FBH1: variants seen among roughly 807,000 people sequenced by gnomAD.
FBH1 encodes F-box DNA helicase 1, also known as DNA 3'-5' helicase 1.
A neutral mutation model predicts 115.5 loss-of-function variants in FBH1; 43 were observed. The observed-to-expected ratio is 0.37, with a 90% CI of 0.29 to 0.48. The LOEUF (loss-of-function observed/expected upper bound fraction) is 0.48. Ranked by LOEUF, FBH1 falls within the 20% of genes least tolerant of loss-of-function variation. The probability of loss-of-function intolerance (pLI) is 0.99; values close to 1 mark genes in which losing one functional copy is unlikely to be tolerated. For missense variants in FBH1, 1,001 were observed against 1,337.3 expected (o/e 0.75, Z 3.92); for synonymous variants, 524 against 507.8 (o/e 1.03, Z -0.43).
chr10:5,923,762 C>G lies in FBH1; in HGVS notation c.2398+66C>G. 2 of 1,436,300 alleles carry G rather than the reference C, an allele frequency of 1.4e-6. No individual in the cohort carries two copies. The allele number at this position is 1,436,300 out of a possible 1,614,324, so 89.0% of individuals were successfully genotyped here. A position where few individuals can be genotyped will look rare whatever the true frequency, so the allele number is the denominator to read the frequency against. On this transcript the variant is annotated intron_variant, in intron 16 of 20. Coordinates refer to ENST00000362091, the MANE Select transcript of FBH1 (RefSeq NM_178150.3). The surrounding 1 kb of genome is among the most constrained non-coding windows in gnomAD (Gnocchi z 5.7). The stretch of plus-strand genomic sequence containing the variant: ...CCAAGTGACAGGGACGAGAAAGAAG[C>G]AGGCCCAGTCTGAGTCAGGGACCCG...
At position 5,910,894 on chromosome 10, in the gene FBH1, T is replaced by C; in HGVS notation, c.1021-44T>C. On this transcript the variant is annotated intron_variant, in intron 5 of 20. Transcript: ENST00000362091. This position sits in a 1 kb window ranked among gnomAD's most constrained non-coding sequence, Gnocchi z 4.8. ...TTCCTGCTGTGATTCGTATTAACCATGGCCTGTGGGCTGTCCCTCCCTCCC... is the reference window on the plus strand; with the variant it reads ...TTCCTGCTGTGATTCGTATTAACCACGGCCTGTGGGCTGTCCCTCCCTCCC... 6.4e-7 allele frequency: 1 copy of C among 1,552,204 alleles called. No homozygotes were observed.
chr10:5,898,309 T>C (rs78010702), intron 1 of FBH1, among the ~76,000 whole-genome samples: 2,968 of 152,314 alleles, frequency 0.019, 85 homozygotes, highest in African/African-American at 0.068. Flanking sequence ...TGTCCTCACA[T>C]GGTGGCAGGA....
chr10:5,937,046 T>C, intron 20 of FBH1, 64 bp from the exon 21 acceptor site: 1 of 1,504,626 alleles, frequency 6.6e-7, no homozygotes. Flanking sequence ...CTCCATGCTT[T>C]TTGCTGGAAA....
rs753016172 is a variant in FBH1 at position 5,906,409 on chromosome 10, C to T, written c.530C>T (p.Ser177Phe). 1 of 1,614,170 alleles carries T rather than the reference C, an allele frequency of 6.2e-7. No homozygotes were observed. The highest frequency in any genetic ancestry group is 1.1e-5 in the South Asian group (1 of 91,090). Residue 177 changes from serine (S) to phenylalanine (F), a missense_variant, in exon 3 of 21, where the codon TCT (serine) becomes TTT (phenylalanine). By Grantham distance (155) the Ser-to-Phe change is radical. Around this residue, in one of 4 missense-constraint regions of FBH1, gnomAD observed 420 missense variants for 430.4 expected, o/e 0.98. Transcript: ENST00000362091. This position sits in a 1 kb window ranked among gnomAD's most constrained non-coding sequence, Gnocchi z 7.3. ...AGTACGTCTCGGCTCTCTGCGGAGT[C>T]TGGTGAAACCGACCAAGATGCTGGG... is the stretch of plus-strand genomic sequence containing the variant. Reference protein sequence around the residue: ...EDSTSRLSAESGETDQDAGDV... With the variant: ...EDSTSRLSAEFGETDQDAGDV...
intron 1 of FBH1, among the ~76,000 whole-genome samples, chr10:5,890,660 G>C (rs1274486134): frequency 6.6e-6 from 1 of 152,112 alleles, no homozygotes; most frequent in East Asian, 1.9e-4. Flanking sequence ...GGGCAAGCGC[G>C]GGGACGTGGC....
At chr10:5,894,250 T>A in intron 1 of FBH1, 1 of 1,398,972 alleles carries the variant, frequency 7.1e-7, no homozygotes, top group Non-Finnish European at 9.3e-7. Context: ...AGTTTTTCCA[T>A]TTCGGGTCTA....
In FBH1 at chr10:5,915,801, T is replaced by G. The variant is rs1831891417; in HGVS notation, c.1565+230T>G. ...CGTCTTGCCAAGAGGGGTGTTCTCA[T>G]GGAAGTGAGGCACAGAAAGTCAAAA... is the stretch of plus-strand genomic sequence containing the variant. On this transcript the variant is annotated intron_variant, in intron 9 of 20. Coordinates refer to ENST00000362091, the MANE Select transcript of FBH1 (RefSeq NM_178150.3). This position sits in a 1 kb window ranked among gnomAD's most constrained non-coding sequence, Gnocchi z 5.2. 5 of 545,278 alleles carry G rather than the reference T, an allele frequency of 9.2e-6. No homozygotes were observed. The South Asian group carries it at 1.1e-4, about 12-fold the overall frequency. 33.8% of individuals were successfully genotyped at this position (545,278 alleles called of 1,614,324 possible). A position where few individuals can be genotyped will look rare whatever the true frequency, so the allele number is the denominator to read the frequency against.
At chr10:5,894,738 T>C (rs1842911647) in intron 1 of FBH1, among the ~76,000 whole-genome samples, 1 of 152,228 alleles carries the variant, frequency 6.6e-6, no homozygotes, top group African/African-American at 2.4e-5. Context: ...GTGTGTTACA[T>C]GCTGGGTGTG....
rs1365058107 is a variant in FBH1, at chr10:5,906,696, C to T, written c.753+64C>T. ...AGCACGTAACTTTGCTTAATGCACG[C>T]TTATAATCAGAGGATCTTTTCAGAA... On this transcript the variant is annotated intron_variant, in intron 3 of 20. Transcript: ENST00000362091. This position sits in a 1 kb window ranked among gnomAD's most constrained non-coding sequence, Gnocchi z 7.3. The T allele has an allele frequency of 3.9e-6, 5 of 1,285,946 alleles. No individual in the cohort carries two copies. In the Admixed American group the frequency reaches 1.0e-4, roughly 26 times the overall value. 79.7% of individuals were successfully genotyped at this position (1,285,946 alleles called of 1,614,324 possible). A position where few individuals can be genotyped will look rare whatever the true frequency, so the allele number is the denominator to read the frequency against.
Position 5,913,007 on chromosome 10 carries a change from G to C in FBH1, c.1212-740G>C, listed in dbSNP as rs1346718242. Among the ~76,000 whole-genome samples, 1 of 152,146 alleles carries C rather than the reference G, an allele frequency of 6.6e-6. No individual in the cohort carries two copies. The highest frequency in any genetic ancestry group is 1.5e-5 in the Non-Finnish European group (1 of 68,020). Reference sequence around the variant, plus strand: ...GGAGATGGGCTCTTTTCGCTCTGGGGATGGGGGGCAGTGCACTCGATTGTT... The same window carrying C: ...GGAGATGGGCTCTTTTCGCTCTGGGCATGGGGGGCAGTGCACTCGATTGTT... On this transcript the variant is annotated intron_variant, in intron 6 of 20. Coordinates refer to ENST00000362091, the MANE Select transcript of FBH1 (RefSeq NM_178150.3). This position sits in a 1 kb window ranked among gnomAD's most constrained non-coding sequence, Gnocchi z 4.4.
At position 5,909,103 on chromosome 10, in the gene FBH1, G is replaced by T. The variant is rs1397728217; in HGVS notation, c.884+48G>T. ...AGAAGGCGTCTTTGAAGTCTTCCTT[G>T]TACATCAGTGCTTATGGTCACCCTA... is the stretch of plus-strand genomic sequence containing the variant. On this transcript the variant is annotated intron_variant, in intron 4 of 20. Coordinates refer to ENST00000362091, the MANE Select transcript of FBH1 (RefSeq NM_178150.3). This position sits in a 1 kb window ranked among gnomAD's most constrained non-coding sequence, Gnocchi z 4.4. The T allele has an allele frequency of 6.2e-7, 1 of 1,613,622 alleles. No homozygotes were observed. The highest frequency in any genetic ancestry group is 1.1e-5 in the South Asian group (1 of 91,076).
rs1831388594 is a variant in FBH1, at chr10:5,909,016, T to A, written c.845T>A (p.Ile282Lys). 6.2e-7 allele frequency: 1 copy of A among 1,614,094 alleles called. No homozygotes were observed. Among genetic ancestry groups the A allele is most frequent in the Non-Finnish European group, 8.5e-7 (1 of 1,180,040 alleles). The change falls in exon 4 of 21, where the codon ATA becomes AAA. Residue 282 changes from isoleucine to lysine, a missense_variant. Physicochemically the swap from Ile to Lys is moderately radical, Grantham distance 102 (BLOSUM62 -3). Around this residue, in one of 4 missense-constraint regions of FBH1, gnomAD observed 420 missense variants for 430.4 expected, o/e 0.98. Coordinates refer to ENST00000362091, the MANE Select transcript of FBH1 (RefSeq NM_178150.3). The surrounding 1 kb of genome is among the most constrained non-coding windows in gnomAD (Gnocchi z 4.4). ...GACGGCATCCTGTCTAACTGTGGCA[T>A]AGAAAAGGAGTCAGACCTGTGTGTG... The part of the protein sequence containing the change: ...KVDGILSNCG[I>K]EKESDLCVLN...
intron 1 of FBH1, among the ~76,000 whole-genome samples, chr10:5,890,715 T>C (rs1842660316): frequency 6.6e-6 from 1 of 152,210 alleles, no homozygotes; most frequent in Non-Finnish European, 1.5e-5. Flanking sequence ...TCTGACGTTT[T>C]GACCTTGGGC....
intron 1 of FBH1, among the ~76,000 whole-genome samples, chr10:5,901,024 G>T (rs1843312313): frequency 6.6e-6 from 1 of 152,152 alleles, no homozygotes; most frequent in African/African-American, 2.4e-5. Context: ...TTGAACCCAA[G>T]AGGTGAATGT....
At chr10:5,916,672 G>A (rs1345284599) in intron 10 of FBH1, among the ~76,000 whole-genome samples, 14 of 136,094 alleles carry the variant, frequency 1.0e-4, no homozygotes, top group Non-Finnish European at 1.5e-4. Flanking sequence ...TGGGGGATCA[G>A]GGGAAGTGTT....
intron 3 of FBH1, among the ~76,000 whole-genome samples, chr10:5,908,655 G>A (rs193240167): frequency 1.3e-5 from 2 of 151,492 alleles, no homozygotes; most frequent in East Asian, 3.9e-4. Context: ...AGGCTAGCGT[G>A]CACTGCAGTG....
intron 2 of FBH1, among the ~76,000 whole-genome samples, chr10:5,903,518 G>A (rs923971772): frequency 3.3e-5 from 5 of 151,544 alleles, no homozygotes; most frequent in Admixed American, 6.6e-5. Context: ...TAGTAGAGAC[G>A]GGGTTTCTCC....
At chr10:5,937,077 C>G (rs1833405554) in intron 20 of FBH1, 33 bp from the exon 21 acceptor site, 9 of 1,543,610 alleles carry the variant, frequency 5.8e-6, no homozygotes, top group Non-Finnish European at 7.9e-6. Flanking sequence ...TTTGGTTGTT[C>G]CCCTTAGCTC....
intron 1 of FBH1, chr10:5,894,258 C>G (rs1842889339): frequency 7.1e-7 from 1 of 1,414,898 alleles, no homozygotes; most frequent in South Asian, 1.6e-5. Context: ...CATTTCGGGT[C>G]TACAGCATTT....
Sources: allele counts gnomAD v4.1 joint callset (sites outside exome capture counted in the v4.1 genomes callset), GRCh38; gene constraint gnomAD v4.1.1; regional missense constraint gnomAD v4.1.1; non-coding constraint Gnocchi (gnomAD v3.1); transcripts MANE v1.5; gene names NCBI Gene and HGNC (gene_info 2026-07-23, HGNC 2026-07-21).